The following RNF214 variants were observed in gnomAD, a reference collection of about 807,000 sequenced individuals.
RNF214 encodes ring finger protein 214.
RNF214 carries 25 observed loss-of-function variants against 75.9 expected under a neutral mutation model. The ratio of observed to expected loss-of-function variants is 0.33; its 90% CI spans 0.24 to 0.46. The LOEUF (loss-of-function observed/expected upper bound fraction) is 0.46. RNF214 is among the 20% of genes least tolerant of loss of function. The pLI, the probability that RNF214 is intolerant of heterozygous loss-of-function variation, is 1.00. For missense variants in RNF214, 725 were observed against 857.5 expected, an observed-to-expected ratio of 0.85 and a Z score of 1.93; for synonymous variants, 314 against 308.8, an observed-to-expected ratio of 1.02 and a Z score of -0.18.
Position 117,282,146 on chromosome 11 carries a change from T to C in RNF214, c.1588T>C (p.Ser530Pro). 3.7e-6 allele frequency: 6 copies of C among 1,613,906 alleles called. No homozygotes were observed. In the South Asian group the frequency reaches 5.5e-5, roughly 15 times the overall value. The part of the protein sequence containing the change: ...PHGPHMPPAA[S>P]IPPPPGLGGV... Reference sequence around the variant, plus strand: ...CGGTCCACACATGCCCCCTGCCGCCTCCATCCCACCTCCCCCAGGCTTGGG... The same window carrying C: ...CGGTCCACACATGCCCCCTGCCGCCCCCATCCCACCTCCCCCAGGCTTGGG... The change falls in exon 11 of 15, where the codon TCC becomes CCC. Residue 530 changes from serine to proline, a missense_variant. Coordinates refer to ENST00000300650, the MANE Select transcript of RNF214 (RefSeq NM_207343.4).
At chr11:117,266,689 C>G (rs1034326614) in intron 6 of RNF214, among the ~76,000 whole-genome samples, 10 of 151,946 alleles carry the variant, frequency 6.6e-5, no homozygotes, top group African/African-American at 2.4e-4. Context: ...ACATAATTTT[C>G]AAATATTTTT....
chr11:117,241,648 C>T (rs1565329606), intron 4 of RNF214, among the ~76,000 whole-genome samples: 1 of 151,794 alleles, frequency 6.6e-6, no homozygotes, highest in South Asian at 2.1e-4. Context: ...AGTTCCTTTC[C>T]TGCTTGTTAG....
At chr11:117,252,559 C>T (rs944987729) in intron 6 of RNF214, among the ~76,000 whole-genome samples, 12 of 151,250 alleles carry the variant, frequency 7.9e-5, no homozygotes, top group Non-Finnish European at 1.6e-4. Flanking sequence ...CTTGCTTTGT[C>T]GCCCAGGCTG....
intron 5 of RNF214, 67 bp downstream of exon 5, chr11:117,244,652 A>T (rs1021849356): frequency 3.1e-5 from 38 of 1,206,582 alleles, no homozygotes; most frequent in Non-Finnish European, 3.9e-5. Flanking sequence ...TTAATTTTTT[A>T]AAAAACTTTA....
chr11:117,261,285 T>C (rs2033656259), intron 6 of RNF214, among the ~76,000 whole-genome samples: 1 of 152,178 alleles, frequency 6.6e-6, no homozygotes, highest in African/African-American at 2.4e-5. Flanking sequence ...TTTCTGCATA[T>C]TTATAAATTA....
In RNF214 at chr11:117,248,993, G is replaced by C. The variant is rs184161563; in HGVS notation, c.959+2045G>C. ...GGCTGGAGTGCAGTGGCGCAATCTC[G>C]GCTCATGCAAGCTCCACCTCCCGGG... is the stretch of plus-strand genomic sequence containing the variant. On this transcript the variant is annotated intron_variant, in intron 6 of 14. Transcript: ENST00000300650. Among the ~76,000 whole-genome samples, 61 of 151,828 alleles carry C rather than the reference G, an allele frequency of 4.0e-4. 1 individual carries two copies. The highest frequency in any genetic ancestry group is 1.6e-3 in the Admixed American group (25 of 15,232).
chr11:117,282,607 G>T (rs1206033574), intron 12 of RNF214, 71 bp downstream of exon 12: 3 of 1,583,070 alleles, frequency 1.9e-6, no homozygotes, highest in Non-Finnish European at 2.6e-6. Context: ...TCAGAAAAAT[G>T]TGGGGTGGGA....
intron 12 of RNF214, 72 bp downstream of exon 12, chr11:117,282,608 T>G: frequency 1.3e-6 from 2 of 1,581,498 alleles, no homozygotes; most frequent in Non-Finnish European, 8.6e-7. Context: ...CAGAAAAATG[T>G]GGGGTGGGAA....
intron 6 of RNF214, among the ~76,000 whole-genome samples, chr11:117,262,612 C>G (rs1426832539): frequency 1.3e-5 from 2 of 151,260 alleles, no homozygotes; most frequent in African/African-American, 4.9e-5. Context: ...GAACTCCTGG[C>G]CGCAAGTGAT....
intron 6 of RNF214, among the ~76,000 whole-genome samples, chr11:117,255,498 A>G (rs1290397575): frequency 1.3e-5 from 2 of 151,912 alleles, no homozygotes; most frequent in African/African-American, 4.8e-5. Context: ...ATTCAATATA[A>G]TTTCTTGTTT....
intron 4 of RNF214, among the ~76,000 whole-genome samples, chr11:117,240,158 G>T (rs2033031080): frequency 6.6e-6 from 1 of 151,372 alleles, no homozygotes. Context: ...TTTGAGACCA[G>T]CCTGGGCAAC....
chr11:117,240,122 G>C (rs1418939283), intron 4 of RNF214, among the ~76,000 whole-genome samples: 1 of 152,016 alleles, frequency 6.6e-6, no homozygotes, highest in Non-Finnish European at 1.5e-5. Context: ...GGAAGCCGAA[G>C]TGGGTGGATC....
At chr11:117,262,471 A>T (rs1052272807) in intron 6 of RNF214, among the ~76,000 whole-genome samples, 2 of 151,864 alleles carry the variant, frequency 1.3e-5, no homozygotes, top group Non-Finnish European at 2.9e-5. Context: ...CCTCAAACTC[A>T]TGGGCTCAAG....
chr11:117,281,003 T>TA (rs1555059348), intron 8 of RNF214, among the ~76,000 whole-genome samples: 4 of 149,604 alleles, frequency 2.7e-5, no homozygotes, highest in Non-Finnish European at 4.4e-5. Context: ...TTTTTTTTTT[T>TA]AATGACAGGG....
chr11:117,263,137 T>G (rs749164507), intron 6 of RNF214, among the ~76,000 whole-genome samples: 1 of 151,606 alleles, frequency 6.6e-6, no homozygotes, highest in Non-Finnish European at 1.5e-5. Context: ...ATTCAGTCAG[T>G]TTTTGTTTCT....
chr11:117,283,474 C>A (rs1457807990), intron 14 of RNF214, among the ~76,000 whole-genome samples: 1 of 152,058 alleles, frequency 6.6e-6, no homozygotes, highest in South Asian at 2.1e-4. Flanking sequence ...GATTCTCCTG[C>A]CTCAGCCTCC....
rs367664616 is a variant in RNF214, at chr11:117,258,589, C to CT, written c.959+11651dup. ...TGTATATGCAGTTAAATATACAAAT[C>CT]TTTTTTTTTTCTTTTTTCACTTAGC... On this transcript the variant is annotated intron_variant, in intron 6 of 14. Coordinates refer to ENST00000300650, the MANE Select transcript of RNF214 (RefSeq NM_207343.4). Among the ~76,000 whole-genome samples, 392 of 149,188 alleles carry CT rather than the reference C, an allele frequency of 2.6e-3. 3 individuals are homozygous for CT. Among genetic ancestry groups the CT allele is most frequent in the African/African-American group, 9.0e-3 (364 of 40,666 alleles).
intron 4 of RNF214, among the ~76,000 whole-genome samples, chr11:117,240,639 G>A (rs2033052390): frequency 6.6e-6 from 1 of 151,978 alleles, no homozygotes; most frequent in Admixed American, 6.6e-5. Context: ...AGTGAGCCAA[G>A]ATTGCACCAC....
chr11:117,282,804 T>C lies in RNF214; in HGVS notation c.1904T>C (p.Met635Thr). 2.5e-6 allele frequency: 4 copies of C among 1,614,210 alleles called. No homozygotes were observed. The highest frequency in any genetic ancestry group is 3.4e-6 in the Non-Finnish European group (4 of 1,180,014). Residue 635 changes from methionine (M) to threonine (T), a missense_variant, in exon 13 of 15, where the codon ATG becomes ACG. Physicochemically the swap from Met to Thr is moderately conservative, Grantham distance 81 (BLOSUM62 -1). Coordinates refer to ENST00000300650, the MANE Select transcript of RNF214 (RefSeq NM_207343.4). ...CCACTGGCCCAAATCAGTACCCCAA[T>C]GTTCTTGCCTTCTGCCCAAGTTTCA... ...PAPLAQISTP[M>T]FLPSAQVSYP...
Sources: allele counts gnomAD v4.1 joint callset (sites outside exome capture counted in the v4.1 genomes callset), GRCh38; gene constraint gnomAD v4.1.1; transcripts MANE v1.5; gene names NCBI Gene and HGNC (gene_info 2026-07-23, HGNC 2026-07-21).